The following NEK5 variants were observed in gnomAD, a reference collection of about 807,000 sequenced individuals.
NEK5 encodes serine/threonine-protein kinase Nek5.
Under a neutral mutation model 109.2 loss-of-function variants are expected in NEK5, and 88 were observed. The ratio of observed to expected loss-of-function variants is 0.81; its 90% CI spans 0.68 to 0.96. NEK5 has a LOEUF of 0.96. Ranked by LOEUF, NEK5 falls within the 40% of genes least tolerant of loss-of-function variation. NEK5 has a pLI of 0.00. For missense variants in NEK5, 834 were observed against 920.7 expected, an observed-to-expected ratio of 0.91 and a Z score of 1.22; for synonymous variants, 283 against 299.9, an observed-to-expected ratio of 0.94 and a Z score of 0.58.
At chr13:52,125,933 T>C (rs1370814336) in intron 3 of NEK5, among the ~76,000 whole-genome samples, 1 of 152,232 alleles carries the variant, frequency 6.6e-6, no homozygotes, top group Non-Finnish European at 1.5e-5. Flanking sequence ...TCATTATCCC[T>C]GGAAGCCAGT....
intron 20 of NEK5, among the ~76,000 whole-genome samples, chr13:52,068,168 T>C (rs1033480588): frequency 6.6e-6 from 1 of 152,124 alleles, no homozygotes; most frequent in Non-Finnish European, 1.5e-5. Context: ...GCAACCCTCT[T>C]GGGTCCCCTC....
intron 13 of NEK5, among the ~76,000 whole-genome samples, chr13:52,091,158 G>A (rs1465279079): frequency 6.6e-6 from 1 of 152,204 alleles, no homozygotes; most frequent in East Asian, 1.9e-4. Flanking sequence ...GGAAAGAGAA[G>A]GACCCTTCCT....
chr13:52,088,546 C>T (rs192782882), intron 14 of NEK5, among the ~76,000 whole-genome samples: 1 of 152,018 alleles, frequency 6.6e-6, no homozygotes, highest in South Asian at 2.1e-4. Context: ...AGCCACCGCA[C>T]CTGGCCCCTT....
intron 3 of NEK5, 87 bp downstream of exon 3, chr13:52,127,279 A>G: frequency 1.3e-6 from 1 of 767,016 alleles, no homozygotes; most frequent in Non-Finnish European, 2.2e-6. Context: ...TCGAAATTAT[A>G]AAAAATAAAA....
At chr13:52,050,481 G>T (rs781273077) in intron 22 of NEK5, among the ~76,000 whole-genome samples, 1 of 151,872 alleles carries the variant, frequency 6.6e-6, no homozygotes, top group Non-Finnish European at 1.5e-5. Context: ...AAATCTTTGT[G>T]TAAAAAAAAG....
intron 12 of NEK5, among the ~76,000 whole-genome samples, chr13:52,093,875 C>T (rs1323180433): frequency 6.6e-6 from 1 of 152,126 alleles, no homozygotes; most frequent in Non-Finnish European, 1.5e-5. Flanking sequence ...TTCTATTTTT[C>T]ATAAACTCAT....
chr13:52,046,539 T>C lies in NEK5; in HGVS notation c.2228+3565A>G, dbSNP rs570125299. Among the ~76,000 whole-genome samples the C allele has an allele frequency of 1.3e-3, 192 of 147,956 alleles. 2 individuals are homozygous for C. The highest frequency in any genetic ancestry group is 4.3e-3 in the African/African-American group (172 of 40,316). Reference sequence around the variant, plus strand: ...AAGAGTTTAAGACCAGTCTGGGCAATATGGTGAAACCTCATCTCTACAAAA... The same window carrying C: ...AAGAGTTTAAGACCAGTCTGGGCAACATGGTGAAACCTCATCTCTACAAAA... On this transcript the variant is annotated intron_variant, in intron 23 of 23. Transcript: ENST00000684899.
At chr13:52,049,469 A>G (rs1312790846) in intron 23 of NEK5, among the ~76,000 whole-genome samples, 1 of 152,004 alleles carries the variant, frequency 6.6e-6, no homozygotes, top group Non-Finnish European at 1.5e-5. Context: ...TCATAATCCC[A>G]AATATGCCAA....
At chr13:52,038,652 G>T (rs1566722041) in intron 23 of NEK5, among the ~76,000 whole-genome samples, 1 of 151,758 alleles carries the variant, frequency 6.6e-6, no homozygotes, top group East Asian at 1.9e-4. Flanking sequence ...ACCCAGGCTG[G>T]TCATAAACTA....
In NEK5 at chr13:52,093,192, T is replaced by C. The variant is rs1216032292; in HGVS notation, c.1070A>G (p.His357Arg). Residue 357 changes from histidine (H) to arginine (R), a missense_variant, in exon 13 of 24, where the codon CAT (histidine) becomes CGT (arginine). Physicochemically the swap from His to Arg is conservative, Grantham distance 29 (BLOSUM62 0). This residue lies in a region of NEK5 where 777 missense variants were observed against 824.7 expected (regional missense o/e 0.94). Transcript: ENST00000684899. ...ERPKIAAVCGHYDYYYAQLDM... is the reference protein window; with the variant it reads ...ERPKIAAVCGRYDYYYAQLDM... ...AAGTTGAGCATAATAATAATCATAA[T>C]GTCCACAGACAGCAGCAATTTTGGG... is the stretch of plus-strand genomic sequence containing the variant. The C allele has an allele frequency of 1.2e-6, 2 of 1,613,784 alleles. No individual in the cohort carries two copies. The highest frequency in any genetic ancestry group is 1.7e-5 in the Admixed American group (1 of 60,008).
intron 23 of NEK5, among the ~76,000 whole-genome samples, chr13:52,045,489 A>G (rs1368091517): frequency 1.3e-5 from 2 of 149,364 alleles, no homozygotes; most frequent in Non-Finnish European, 3.0e-5. Flanking sequence ...TTGGGGGCCG[A>G]GCACGGTGGC....
intron 23 of NEK5, among the ~76,000 whole-genome samples, chr13:52,047,658 T>C (rs1954470870): frequency 6.6e-6 from 1 of 151,822 alleles, no homozygotes; most frequent in Admixed American, 6.6e-5. Context: ...CTGGGCAACA[T>C]AGCAAGACCC....
At chr13:52,078,765 C>T (rs1954914396) in intron 17 of NEK5, among the ~76,000 whole-genome samples, 1 of 152,106 alleles carries the variant, frequency 6.6e-6, no homozygotes, top group African/African-American at 2.4e-5. Context: ...ATGACATGAC[C>T]CTGGAGAGCT....
intron 23 of NEK5, among the ~76,000 whole-genome samples, chr13:52,044,148 G>A (rs1311503735): frequency 6.6e-6 from 1 of 152,230 alleles, no homozygotes; most frequent in Admixed American, 6.5e-5. Flanking sequence ...TATGCTGGAT[G>A]CTTCCTGCCC....
intron 3 of NEK5, among the ~76,000 whole-genome samples, chr13:52,125,992 G>A (rs1197390286): frequency 6.6e-6 from 1 of 152,146 alleles, no homozygotes; most frequent in African/African-American, 2.4e-5. Flanking sequence ...GCAATTTTTT[G>A]TGGTAAGATA....
At position 52,076,135 on chromosome 13, in the gene NEK5, T is replaced by G. The variant is rs895258726; in HGVS notation, c.1581A>C (p.Glu527Asp). ...GAAGCCTCATTTGTTTCAAGTCTTT[T>G]TCAATGTCCTGAAAATTTAGAGAAA... The part of the protein sequence containing the change: ...SEGEAPVQDI[E>D]KDLKQMRLQN... Residue 527 changes from glutamate to aspartate, a missense_variant, in exon 18 of 24, where the codon GAA becomes GAC. By Grantham distance (45) the Glu-to-Asp change is conservative. Transcript: ENST00000684899. The G allele has an allele frequency of 6.3e-7, 1 of 1,579,540 alleles. No individual in the cohort carries two copies. The highest frequency in any genetic ancestry group is 1.4e-5 in the African/African-American group (1 of 74,040).
intron 22 of NEK5, among the ~76,000 whole-genome samples, chr13:52,052,535 T>C (rs1358286346): frequency 2.6e-5 from 4 of 152,198 alleles, no homozygotes; most frequent in Non-Finnish European, 4.4e-5. Flanking sequence ...CACAGACTCA[T>C]GGTGTTTCCC....
intron 7 of NEK5, 65 bp downstream of exon 7, chr13:52,110,272 CATG>C: frequency 9.9e-7 from 1 of 1,007,860 alleles, no homozygotes; most frequent in Non-Finnish European, 1.6e-6. Context: ...CTTCTTAATC[CATG>C]ATATCTAAAA....
Position 52,110,588 on chromosome 13 carries a change from A to G in NEK5, c.313-11T>C. 1 of 1,577,548 alleles carries G rather than the reference A, an allele frequency of 6.3e-7. No individual in the cohort carries two copies. Among genetic ancestry groups the G allele is most frequent in the South Asian group, 1.1e-5 (1 of 89,420 alleles). Reference sequence around the variant, plus strand: ...AAACCAACCGAGGATCTATAGAGAGAACACAAAACAAAGCCACTGAATAGC... The same window carrying G: ...AAACCAACCGAGGATCTATAGAGAGGACACAAAACAAAGCCACTGAATAGC... On this transcript the variant is annotated splice_polypyrimidine_tract_variant and intron_variant, in intron 5 of 23. Transcript: ENST00000684899.
Sources: allele counts gnomAD v4.1 joint callset (sites outside exome capture counted in the v4.1 genomes callset), GRCh38; gene constraint gnomAD v4.1.1; regional missense constraint gnomAD v4.1.1; transcripts MANE v1.5; gene names NCBI Gene and HGNC (gene_info 2026-07-23, HGNC 2026-07-21).